ADCY9: variants seen among roughly 807,000 people sequenced by gnomAD.
The protein encoded by ADCY9 is adenylate cyclase 9.
A neutral mutation model predicts 101.5 loss-of-function variants in ADCY9; 50 were observed. The observed-to-expected ratio is 0.49, with a 90% CI of 0.39 to 0.62. The LOEUF (loss-of-function observed/expected upper bound fraction) is 0.62. Ranked by LOEUF, ADCY9 falls within the 20% of genes least tolerant of loss-of-function variation. The pLI, the probability that ADCY9 is intolerant of heterozygous loss-of-function variation, is 0.00. For missense variants in ADCY9, 1,662 were observed against 1,800.4 expected, an observed-to-expected ratio of 0.92 and a Z score of 1.39; for synonymous variants, 905 against 769.3, an observed-to-expected ratio of 1.18 and a Z score of -2.92.
intron 2 of ADCY9, among the ~76,000 whole-genome samples, chr16:4,097,487 T>TATATATATATATACACACACACACAC (rs76750792): frequency 4.1e-5 from 3 of 72,512 alleles, no homozygotes; most frequent in East Asian, 3.7e-4. Flanking sequence ...TATATATATA[T>TATATATATATATACACACACACACAC]ACACACACAC....
chr16:4,001,759 T>A (rs1378351850), intron 3 of ADCY9, among the ~76,000 whole-genome samples: 1 of 143,134 alleles, frequency 7.0e-6, no homozygotes, highest in African/African-American at 2.6e-5. Flanking sequence ...TTTATTGTTT[T>A]TTTTTTTTGA....
At chr16:3,961,911 A>G (rs2055941451), downstream of ADCY9, among the ~76,000 whole-genome samples, 1 of 152,124 alleles carries the variant, frequency 6.6e-6, no homozygotes, top group Non-Finnish European at 1.5e-5. Flanking sequence ...CTGTAATCCC[A>G]GCTGCTAGGG....
chr16:4,007,315 G>A, intron 3 of ADCY9, 53 bp downstream of exon 3: 2 of 1,443,744 alleles, frequency 1.4e-6, no homozygotes, highest in South Asian at 1.5e-5. Context: ...GTGCTCTACT[G>A]CAGAATTAAT....
intron 3 of ADCY9, among the ~76,000 whole-genome samples, chr16:3,996,145 A>AG (rs1295108210): frequency 6.6e-6 from 1 of 152,128 alleles, no homozygotes; most frequent in Non-Finnish European, 1.5e-5. Context: ...AGGACTGCTT[A>AG]GGGCCAGGAG....
chr16:4,089,135 G>GGCTGGAGTGCAGTAGC (rs60051660), intron 2 of ADCY9, among the ~76,000 whole-genome samples: 1 of 151,080 alleles, frequency 6.6e-6, no homozygotes, highest in Non-Finnish European at 1.5e-5. Flanking sequence ...CTGTCACCCA[G>GGCTGGAGTGCAGTAGC]GCAATCTCAG....
intron 2 of ADCY9, among the ~76,000 whole-genome samples, chr16:4,082,921 C>T (rs409963): frequency 0.85 from 129,968 of 152,248 alleles, 55,874 homozygotes; most frequent in East Asian, 0.99. Context: ...GTTTCCATGC[C>T]AGTAAAATAA....
In ADCY9 at chr16:3,963,744, G is replaced by T. The variant is rs145004028; in HGVS notation, c.*2031C>A. ...ACAGCCTGGAGGGGAAAGGGGAGGG[G>T]AGGACATTCAAATATACACCTTAAT... is the stretch of plus-strand genomic sequence containing the variant. On this transcript the variant is annotated 3_prime_UTR_variant, in exon 11 of 11. Transcript: ENST00000294016. The T allele has an allele frequency of 3.1e-4, 61 of 195,164 alleles. 1 individual carries two copies. In the East Asian group the frequency reaches 6.5e-3, roughly 21 times the overall value. 12.1% of individuals were successfully genotyped at this position (195,164 alleles called of 1,614,324 possible).
chr16:3,977,359 G>A, intron 9 of ADCY9, 123 bp downstream of exon 9: 1 of 1,299,510 alleles, frequency 7.7e-7, no homozygotes, highest in East Asian at 2.5e-5. Context: ...GCTATTTTGG[G>A]TCATGATGGG....
At position 3,992,323 on chromosome 16, in the gene ADCY9, A is replaced by G; in HGVS notation, c.2030T>C (p.Leu677Pro). The change falls in exon 5 of 11, where the codon CTC (leucine) becomes CCC (proline). Residue 677 changes from leucine to proline, a missense_variant. Physicochemically the swap from Leu to Pro is moderately conservative, Grantham distance 98. Around this residue, in one of 5 missense-constraint regions of ADCY9, gnomAD observed 624 missense variants for 639.1 expected, o/e 0.98. Coordinates refer to ENST00000294016, the MANE Select transcript of ADCY9 (RefSeq NM_001116.4). The surrounding 1 kb of genome is among the most constrained non-coding windows in gnomAD (Gnocchi z 4.2). ...GAGCTTCTCCTCTTGGGGAGGGCTG[A>G]GGAGCCCGTTCTGAGTTTTGGGATT... ...GPNPKTQNGL[L>P]SPPQEEKLTN... 6.2e-7 allele frequency: 1 copy of G among 1,614,106 alleles called. No homozygotes were observed. Among genetic ancestry groups the G allele is most frequent in the Non-Finnish European group, 8.5e-7 (1 of 1,180,024 alleles).
chr16:3,983,264 C>T lies in ADCY9; in HGVS notation c.2487G>A (p.Leu829=), dbSNP rs1351064479. 1.3e-6 allele frequency: 2 copies of T among 1,552,942 alleles called. No individual in the cohort carries two copies. The highest frequency in any genetic ancestry group is 1.4e-5 in the African/African-American group (1 of 73,252). The change falls in exon 7 of 11, where the codon CTG becomes CTA. Residue 829 remains leucine (L), a synonymous_variant. Transcript: ENST00000294016. ...AALAVFSAAL[L]LEVLSLAVSI... ...ACACCGCGAGGGACAGCACCTCCAGCAGCAGGGCTGCACTGAAGACCGCCA... is the reference window on the plus strand; with the variant it reads ...ACACCGCGAGGGACAGCACCTCCAGTAGCAGGGCTGCACTGAAGACCGCCA...
chr16:3,987,514 A>G (rs1218317208), intron 6 of ADCY9, among the ~76,000 whole-genome samples: 1 of 152,200 alleles, frequency 6.6e-6, no homozygotes, highest in Non-Finnish European at 1.5e-5. Context: ...GATAATCATC[A>G]GCTTCCCTAC....
intron 5 of ADCY9, 51 bp from the exon 6 acceptor site, chr16:3,989,147 C>A (rs2056223190): frequency 7.5e-7 from 1 of 1,329,968 alleles, no homozygotes; most frequent in Non-Finnish European, 1.1e-6. Context: ...CATAACTGTG[C>A]CAATGTTTTC....
chr16:4,076,669 T>G (rs1312070761), intron 2 of ADCY9, among the ~76,000 whole-genome samples: 1 of 152,080 alleles, frequency 6.6e-6, no homozygotes, highest in African/African-American at 2.4e-5. Flanking sequence ...ATAGACGCAC[T>G]GACAAATTAA....
intron 2 of ADCY9, among the ~76,000 whole-genome samples, chr16:4,017,837 G>C (rs1317552859): frequency 6.6e-6 from 1 of 152,180 alleles, no homozygotes; most frequent in Non-Finnish European, 1.5e-5. Flanking sequence ...CCAATTTGCA[G>C]CTCTCACTAT....
intron 2 of ADCY9, among the ~76,000 whole-genome samples, chr16:4,051,737 CA>C (rs2056703345): frequency 6.6e-6 from 1 of 152,112 alleles, no homozygotes; most frequent in Non-Finnish European, 1.5e-5. Flanking sequence ...AGACAGCAGG[CA>C]AGCTCCAGCT....
chr16:3,993,620 A>G, intron 3 of ADCY9, 110 bp from the exon 4 acceptor site: 1 of 1,389,396 alleles, frequency 7.2e-7, no homozygotes, highest in Non-Finnish European at 1.0e-6. Flanking sequence ...GGTGGTGAGC[A>G]AGGGGAAGGC....
At chr16:3,956,806 T>C (rs765405444) in intron 5 of ADCY9, among the ~76,000 whole-genome samples, 18 of 152,026 alleles carry the variant, frequency 1.2e-4, no homozygotes, top group Non-Finnish European at 2.2e-4. Flanking sequence ...GCAATCTGTC[T>C]TTTCTATGGA....
At chr16:3,968,598 G>C (rs1373697462) in intron 10 of ADCY9, among the ~76,000 whole-genome samples, 3 of 152,148 alleles carry the variant, frequency 2.0e-5, no homozygotes, top group Non-Finnish European at 4.4e-5. Context: ...ATCTGAACCA[G>C]TGCCATTATT....
Position 3,974,725 on chromosome 16 carries a change from C to A in ADCY9, c.2829-15G>T. 6.2e-7 allele frequency: 1 copy of A among 1,608,188 alleles called. No individual in the cohort carries two copies. The highest frequency in any genetic ancestry group is 8.5e-7 in the Non-Finnish European group (1 of 1,175,092). On this transcript the variant is annotated splice_polypyrimidine_tract_variant and intron_variant, in intron 9 of 10. Transcript: ENST00000294016. The stretch of plus-strand genomic sequence containing the variant: ...TTAATACAGAACTGAAATTAAAATG[C>A]AGAAAAATATTATCATAAAGAGCAA...
Sources: gnomAD v4.1 joint callset for allele counts (sites outside exome capture counted in the v4.1 genomes callset) on GRCh38, gnomAD v4.1.1 for gene constraint, gnomAD v4.1.1 regional missense constraint, Gnocchi (gnomAD v3.1) non-coding constraint, MANE v1.5 for transcripts, NCBI Gene and HGNC (gene_info 2026-07-23, HGNC 2026-07-21) for gene names.